IL6R: variants seen among roughly 807,000 people sequenced by gnomAD.
The protein encoded by IL6R is interleukin 6 receptor.
IL6R carries 38 observed loss-of-function variants against 48.3 expected under a neutral mutation model. That is an observed-to-expected ratio of 0.79 (90% CI 0.61 to 1.03). The LOEUF (loss-of-function observed/expected upper bound fraction) is 1.03. Among genes scored for constraint, IL6R ranks in the 50% least tolerant of loss-of-function variants. The probability of loss-of-function intolerance (pLI) is 0.00; values close to 1 mark genes in which losing one functional copy is unlikely to be tolerated. For missense variants in IL6R, 534 were observed against 618.3 expected, an observed-to-expected ratio of 0.86 and a Z score of 1.45; for synonymous variants, 264 against 256.2, an observed-to-expected ratio of 1.03 and a Z score of -0.29.
At chr1:154,427,607 G>A (rs952649403) in intron 1 of IL6R, among the ~76,000 whole-genome samples, 26 of 152,236 alleles carry the variant, frequency 1.7e-4, no homozygotes, top group African/African-American at 6.0e-4. Context: ...GTGTTAAAGT[G>A]AGAGGGAAGT....
chr1:154,414,718 TC>T, intron 1 of IL6R: 1 of 822,080 alleles, frequency 1.2e-6, no homozygotes, highest in South Asian at 1.4e-5. Context: ...TAGGTATTGC[TC>T]CAGGGACACA....
chr1:154,444,217 T>A (rs1690086414), intron 6 of IL6R, among the ~76,000 whole-genome samples: 1 of 151,910 alleles, frequency 6.6e-6, no homozygotes, highest in South Asian at 2.1e-4. Context: ...GCTTTTTTTT[T>A]TTTTTTTTGA....
At chr1:154,421,889 G>A (rs1688687471) in intron 1 of IL6R, among the ~76,000 whole-genome samples, 1 of 152,114 alleles carries the variant, frequency 6.6e-6, no homozygotes, top group Non-Finnish European at 1.5e-5. Flanking sequence ...CCAATGTGCT[G>A]GGATGACAGG....
chr1:154,436,291 AC>A (rs1298377272), intron 6 of IL6R, among the ~76,000 whole-genome samples, 181 bp downstream of exon 6: 1 of 152,150 alleles, frequency 6.6e-6, no homozygotes, highest in East Asian at 1.9e-4. Context: ...AGCCTGGCCA[AC>A]ATGGTGAAAC....
In IL6R at chr1:154,405,418, C is replaced by G; in HGVS notation, c.-212C>G. 1.9e-6 allele frequency: 1 copy of G among 530,780 alleles called. No homozygotes were observed. The highest frequency in any genetic ancestry group is 3.3e-6 in the Non-Finnish European group (1 of 304,246). 32.9% of individuals were successfully genotyped at this position (530,780 alleles called of 1,614,324 possible). ...AGTGGGAAGTCGCACTGACACTGAG[C>G]CGGGCCAGAGGGAGAGGAGCCGAGC... On this transcript the variant is annotated 5_prime_UTR_variant, in exon 1 of 10. Coordinates refer to ENST00000368485, the MANE Select transcript of IL6R (RefSeq NM_000565.4). The surrounding 1 kb of genome is among the most constrained non-coding windows in gnomAD (Gnocchi z 5.2).
intron 4 of IL6R, 81 bp from the exon 5 acceptor site, chr1:154,434,909 G>T: frequency 6.8e-7 from 1 of 1,481,048 alleles, no homozygotes. Flanking sequence ...GTGGGGCCCT[G>T]CTTGCTGGGA....
intron 8 of IL6R, among the ~76,000 whole-genome samples, chr1:154,451,639 C>A (rs562971497): frequency 1.4e-4 from 22 of 151,914 alleles, no homozygotes; most frequent in African/African-American, 4.8e-4. Flanking sequence ...TCTCGTCAAG[C>A]GATTCTCCTG....
chr1:154,444,497 G>T (rs1011888235), intron 6 of IL6R, among the ~76,000 whole-genome samples: 1 of 152,152 alleles, frequency 6.6e-6, no homozygotes, highest in Admixed American at 6.5e-5. Flanking sequence ...ATGAGCCACC[G>T]TGCCCGGCTG....
chr1:154,467,569 C>A lies in IL6R; in HGVS notation c.*2189C>A, dbSNP rs918254133. ...GCTGGGCTTGTCTGTAGATTTTAGA[C>A]CCTATTGCTGCTTGAGGCAACTCAT... On this transcript the variant is annotated 3_prime_UTR_variant, in exon 10 of 10. Coordinates refer to ENST00000368485, the MANE Select transcript of IL6R (RefSeq NM_000565.4). The A allele has an allele frequency of 6.6e-6, 1 of 152,170 alleles. No homozygotes were observed. Among genetic ancestry groups the A allele is most frequent in the Non-Finnish European group, 1.5e-5 (1 of 68,062 alleles). 9.4% of individuals were successfully genotyped at this position (152,170 alleles called of 1,614,324 possible). A position where few individuals can be genotyped will look rare whatever the true frequency, so the allele number is the denominator to read the frequency against.
chr1:154,409,548 A>G (rs1303667410), intron 1 of IL6R, among the ~76,000 whole-genome samples: 3 of 152,242 alleles, frequency 2.0e-5, no homozygotes, highest in South Asian at 4.1e-4. Flanking sequence ...GTGGTTATGA[A>G]GATGAGATGA....
intron 1 of IL6R, among the ~76,000 whole-genome samples, chr1:154,426,076 G>GACAC (rs34280647): frequency 0.023 from 2,719 of 119,934 alleles, 91 homozygotes; most frequent in African/African-American, 0.057. Context: ...CCCTGTATCA[G>GACAC]ACACACACAC....
chr1:154,410,449 C>T (rs940838342), intron 1 of IL6R, among the ~76,000 whole-genome samples: 2 of 152,138 alleles, frequency 1.3e-5, no homozygotes, highest in South Asian at 2.1e-4. Context: ...GACAGGATTT[C>T]GCCATGTTGC....
chr1:154,453,017 C>A (rs942991315), intron 8 of IL6R, among the ~76,000 whole-genome samples: 1 of 151,570 alleles, frequency 6.6e-6, no homozygotes, highest in Admixed American at 6.6e-5. Flanking sequence ...CCAGCTTGGG[C>A]AACATGGCAA....
At chr1:154,434,936 C>T in intron 4 of IL6R, 54 bp from the exon 5 acceptor site, 34 of 1,584,094 alleles carry the variant, frequency 2.1e-5, no homozygotes, top group Non-Finnish European at 2.9e-5. Context: ...CCTACATGGG[C>T]TTCTCTACAC....
chr1:154,412,855 T>C (rs1330126383), intron 1 of IL6R, among the ~76,000 whole-genome samples: 3 of 151,820 alleles, frequency 2.0e-5, no homozygotes, highest in Non-Finnish European at 4.4e-5. Flanking sequence ...GTGACTGAGA[T>C]AGGGTTGGAA....
chr1:154,418,301 T>C, intron 1 of IL6R: 1 of 370,746 alleles, frequency 2.7e-6, no homozygotes. Context: ...CCTGAGTTGG[T>C]CACACGCGCA....
intron 1 of IL6R, among the ~76,000 whole-genome samples, chr1:154,422,762 C>A (rs527520603): frequency 1.3e-5 from 2 of 152,322 alleles, no homozygotes; most frequent in East Asian, 3.9e-4. Flanking sequence ...CTCCTAGGGC[C>A]TACTATGCAA....
intron 9 of IL6R, among the ~76,000 whole-genome samples, chr1:154,462,854 C>T (rs942100897): frequency 3.3e-5 from 5 of 152,160 alleles, no homozygotes; most frequent in Non-Finnish European, 7.3e-5. Context: ...GTCACCCAGG[C>T]TGGAGTGCAG....
intron 1 of IL6R, among the ~76,000 whole-genome samples, chr1:154,422,238 G>T (rs1341580883): frequency 6.6e-6 from 1 of 152,188 alleles, no homozygotes; most frequent in African/African-American, 2.4e-5. Context: ...CACGGCGCCT[G>T]GTGACTCAGT....
Sources: gnomAD v4.1 joint callset for allele counts (sites outside exome capture counted in the v4.1 genomes callset) on GRCh38, gnomAD v4.1.1 for gene constraint, Gnocchi (gnomAD v3.1) non-coding constraint, MANE v1.5 for transcripts, NCBI Gene and HGNC (gene_info 2026-07-23, HGNC 2026-07-21) for gene names.